Variants in FAM76A observed in about 807,000 individuals in gnomAD.
The protein encoded by FAM76A is family with sequence similarity 76 member A.
In FAM76A, 32 loss-of-function variants were observed where a neutral mutation model predicts 46.2. The observed-to-expected ratio is 0.69, with a 90% CI of 0.52 to 0.93. The LOEUF (loss-of-function observed/expected upper bound fraction) is 0.93. Among genes scored for constraint, FAM76A ranks in the 40% least tolerant of loss-of-function variants. The pLI is 0.00. For missense variants in FAM76A, 274 were observed against 361.5 expected, an observed-to-expected ratio of 0.76 and a Z score of 1.96; for synonymous variants, 137 against 127.0, an observed-to-expected ratio of 1.08 and a Z score of -0.53.
intron 3 of FAM76A, among the ~76,000 whole-genome samples, chr1:27,733,211 C>T (rs940316436): frequency 1.3e-5 from 2 of 152,126 alleles, no homozygotes; most frequent in African/African-American, 2.4e-5. Flanking sequence ...GGATCACAGG[C>T]GTGAGCCACT....
chr1:27,736,744 C>G (rs545389188), intron 4 of FAM76A, among the ~76,000 whole-genome samples: 1 of 151,404 alleles, frequency 6.6e-6, no homozygotes, highest in African/African-American at 2.4e-5. Flanking sequence ...CACGCCACCA[C>G]GCCTGGCTAA....
chr1:27,755,855 G>A (rs976907733), intron 7 of FAM76A, among the ~76,000 whole-genome samples: 4 of 152,168 alleles, frequency 2.6e-5, no homozygotes, highest in African/African-American at 9.7e-5. Context: ...GATTACAAAT[G>A]TGAGCCATTG....
chr1:27,740,150 A>G, intron 4 of FAM76A: 1 of 506,712 alleles, frequency 2.0e-6, no homozygotes, highest in Admixed American at 2.6e-5. Context: ...TCTTTGACAT[A>G]CATGTGATGG....
intron 6 of FAM76A, among the ~76,000 whole-genome samples, chr1:27,754,391 C>G (rs1363506830): frequency 6.6e-6 from 1 of 152,164 alleles, no homozygotes; most frequent in African/African-American, 2.4e-5. Flanking sequence ...TAGGCGTGAG[C>G]CACCGCGCCC....
At chr1:27,740,172 G>C (rs2088127851) in intron 4 of FAM76A, 1 of 549,208 alleles carries the variant, frequency 1.8e-6, no homozygotes, top group South Asian at 1.7e-5. Context: ...GTCCAAGCTG[G>C]AACAGTGGGT....
At chr1:27,740,481 C>G in intron 4 of FAM76A, 1 of 1,469,010 alleles carries the variant, frequency 6.8e-7, no homozygotes, top group East Asian at 2.3e-5. Flanking sequence ...GGAGTAGGTC[C>G]TGACACTGTC....
At chr1:27,758,698 T>C (rs2088456729) in intron 7 of FAM76A, among the ~76,000 whole-genome samples, 1 of 151,062 alleles carries the variant, frequency 6.6e-6, no homozygotes, top group Admixed American at 6.6e-5. Flanking sequence ...TTTTTTTTTT[T>C]TGTAGACATG....
chr1:27,736,981 T>C (rs539985519), intron 4 of FAM76A, among the ~76,000 whole-genome samples: 9 of 148,842 alleles, frequency 6.0e-5, no homozygotes, highest in East Asian at 4.1e-4. Context: ...AGTTTCGCTG[T>C]TGTTGTTGCC....
intron 4 of FAM76A, among the ~76,000 whole-genome samples, chr1:27,735,067 T>G (rs1327295452): frequency 6.6e-6 from 1 of 152,230 alleles, no homozygotes; most frequent in Non-Finnish European, 1.5e-5. Context: ...TGCATCATAC[T>G]TTCTACCTCT....
intron 2 of FAM76A, among the ~76,000 whole-genome samples, chr1:27,732,307 A>G (rs1157177747): frequency 6.6e-6 from 1 of 152,074 alleles, no homozygotes; most frequent in African/African-American, 2.4e-5. Context: ...GTGCGCGCCT[A>G]TGATTCCAGC....
chr1:27,758,313 T>A (rs746313446), intron 7 of FAM76A, among the ~76,000 whole-genome samples: 36 of 152,132 alleles, frequency 2.4e-4, no homozygotes, highest in Non-Finnish European at 5.0e-4. Flanking sequence ...TTTCTCCTGC[T>A]AGGAAGGTGG....
chr1:27,738,822 A>G (rs2088101765), intron 4 of FAM76A, among the ~76,000 whole-genome samples: 2 of 152,216 alleles, frequency 1.3e-5, no homozygotes, highest in Admixed American at 1.3e-4. Flanking sequence ...TTGGGCAATC[A>G]GGAGAACCTC....
At chr1:27,741,600 C>T (rs765576484) in intron 4 of FAM76A, among the ~76,000 whole-genome samples, 2 of 151,752 alleles carry the variant, frequency 1.3e-5, no homozygotes, top group African/African-American at 2.4e-5. Flanking sequence ...GAAAAACAGG[C>T]CAGGCAACGG....
intron 7 of FAM76A, among the ~76,000 whole-genome samples, chr1:27,757,321 T>C (rs971642180): frequency 6.9e-6 from 1 of 145,820 alleles, no homozygotes; most frequent in African/African-American, 2.5e-5. Flanking sequence ...GCCTCCTGAA[T>C]AGCTAGCTGG....
chr1:27,726,647 G>A (rs1277670441), intron 1 of FAM76A, among the ~76,000 whole-genome samples: 1 of 148,418 alleles, frequency 6.7e-6, no homozygotes, highest in African/African-American at 2.5e-5. Context: ...TTTTTTTTAA[G>A]CATCTCACTT....
In FAM76A at chr1:27,762,189, C is replaced by T. The variant is rs2088520929; in HGVS notation, c.*1608C>T. On this transcript the variant is annotated 3_prime_UTR_variant, in exon 9 of 9. Transcript: ENST00000373954. The stretch of plus-strand genomic sequence containing the variant: ...CTCAACCAGAGTTATGTATGCCCTG[C>T]CTATCTTCCCTTCTTAACCCTGTAG... The T allele has an allele frequency of 6.6e-6, 1 of 152,118 alleles. No homozygotes were observed. The allele number at this position is 152,118 out of a possible 1,614,324, so 9.4% of individuals were successfully genotyped here. A position where few individuals can be genotyped will look rare whatever the true frequency, so the allele number is the denominator to read the frequency against.
intron 4 of FAM76A, among the ~76,000 whole-genome samples, chr1:27,741,190 T>G (rs1412924588): frequency 1.4e-5 from 2 of 146,580 alleles, no homozygotes; most frequent in South Asian, 2.1e-4. Flanking sequence ...ATTGGGAGAT[T>G]TGATTTTTTT....
At chr1:27,754,938 G>A (rs1038249361) in intron 6 of FAM76A, among the ~76,000 whole-genome samples, 13 of 152,138 alleles carry the variant, frequency 8.5e-5, no homozygotes, top group Admixed American at 2.0e-4. Flanking sequence ...ATTTATTTCC[G>A]TCCTAAATGT....
chr1:27,749,513 G>C (rs765035899), intron 6 of FAM76A, among the ~76,000 whole-genome samples: 1 of 152,106 alleles, frequency 6.6e-6, no homozygotes, highest in Non-Finnish European at 1.5e-5. Context: ...AATTACAGGG[G>C]CACCACCATG....
Sources: gnomAD v4.1 joint callset for allele counts (sites outside exome capture counted in the v4.1 genomes callset) on GRCh38, gnomAD v4.1.1 for gene constraint, MANE v1.5 for transcripts, NCBI Gene and HGNC (gene_info 2026-07-23, HGNC 2026-07-21) for gene names.